FEM1B: variants seen among roughly 807,000 people sequenced by gnomAD.
The protein encoded by FEM1B is protein fem-1 homolog B.
Under a neutral mutation model 38.6 loss-of-function variants are expected in FEM1B, and 10 were observed. The observed-to-expected ratio is 0.26, with a 90% CI of 0.16 to 0.44. The LOEUF is 0.44. Among genes scored for constraint, FEM1B ranks in the 20% least tolerant of loss-of-function variants. FEM1B has a pLI of 1.00. For missense variants in FEM1B, 471 were observed against 786.7 expected (o/e 0.60, Z 4.80); for synonymous variants, 288 against 288.0 (o/e 1.00, Z 0.00).
At position 68,281,299 on chromosome 15, in the gene FEM1B, A is replaced by C. The variant is rs1310957654; in HGVS notation, c.248+2634A>C. Reference sequence around the variant, plus strand: ...TTTTAGTCATTCACGTGCTAGCTTCATAATTTTTGGCCAAATTGTTCACTA... The same window carrying C: ...TTTTAGTCATTCACGTGCTAGCTTCCTAATTTTTGGCCAAATTGTTCACTA... On this transcript the variant is annotated intron_variant, in intron 1 of 1. Coordinates refer to ENST00000306917, the MANE Select transcript of FEM1B (RefSeq NM_015322.5). The surrounding 1 kb of genome is among the most constrained non-coding windows in gnomAD (Gnocchi z 5.1). 6.6e-6 allele frequency among the ~76,000 whole-genome samples: 1 copy of C among 152,228 alleles called. No individual in the cohort carries two copies. The highest frequency in any genetic ancestry group is 2.4e-5 in the African/African-American group (1 of 41,458).
chr15:68,284,820 G>A lies in FEM1B; in HGVS notation c.249-4787G>A, dbSNP rs940264916. ...TGAATCATGGAAGCAGGTCTTTCCC[G>A]TGCTGTTCTCTTGATAGTAAGTGTC... On this transcript the variant is annotated intron_variant, in intron 1 of 1. Transcript: ENST00000306917. The surrounding 1 kb of genome is among the most constrained non-coding windows in gnomAD (Gnocchi z 4.4). Among the ~76,000 whole-genome samples, 5 of 152,164 alleles carry A rather than the reference G, an allele frequency of 3.3e-5. No individual in the cohort carries two copies. Among genetic ancestry groups the A allele is most frequent in the Non-Finnish European group, 7.3e-5 (5 of 68,028 alleles).
In FEM1B at chr15:68,284,164, C is replaced by T. The variant is rs148088686; in HGVS notation, c.249-5443C>T. Among the ~76,000 whole-genome samples the T allele has an allele frequency of 8.0e-3, 1,222 of 152,146 alleles. 12 individuals carry two copies. Among genetic ancestry groups the T allele is most frequent in the African/African-American group, 0.028 (1,145 of 41,526 alleles). Reference sequence around the variant, plus strand: ...CCTCCCAAAGTGTTGGGATTACAGACGTGAGCCACTGTGCCCAGCCCTCAT... The same window carrying T: ...CCTCCCAAAGTGTTGGGATTACAGATGTGAGCCACTGTGCCCAGCCCTCAT... On this transcript the variant is annotated intron_variant, in intron 1 of 1. Coordinates refer to ENST00000306917, the MANE Select transcript of FEM1B (RefSeq NM_015322.5). The surrounding 1 kb of genome is among the most constrained non-coding windows in gnomAD (Gnocchi z 4.4).
chr15:68,283,942 A>G (rs1269307903), intron 1 of FEM1B, among the ~76,000 whole-genome samples: 2 of 150,900 alleles, frequency 1.3e-5, no homozygotes, highest in African/African-American at 2.4e-5. Context: ...CTAAAGTGCA[A>G]TGGCGTGATC....
rs1273111530 is a variant in FEM1B, at chr15:68,290,380, T to C, written c.1022T>C (p.Ile341Thr). The C allele has an allele frequency of 1.2e-6, 2 of 1,614,086 alleles. No homozygotes were observed. The highest frequency in any genetic ancestry group is 1.3e-5 in the African/African-American group (1 of 74,932). Residue 341 changes from isoleucine to threonine, a missense_variant, in exon 2 of 2, where the codon ATT (isoleucine) becomes ACT (threonine). By Grantham distance (89) the Ile-to-Thr change is moderately conservative (BLOSUM62 -1). Around this residue, in one of 3 missense-constraint regions of FEM1B, gnomAD observed 380 missense variants for 599.6 expected, o/e 0.63. Coordinates refer to ENST00000306917, the MANE Select transcript of FEM1B (RefSeq NM_015322.5). The surrounding 1 kb of genome is among the most constrained non-coding windows in gnomAD (Gnocchi z 9.7). ...GAACGGATTTTAGGTGCTGACAATA[T>C]TGATGTTTCTCATCCCATCATTTAC... Reference protein sequence around the residue: ...VRERILGADNIDVSHPIIYRG... With the variant: ...VRERILGADNTDVSHPIIYRG...
chr15:68,285,564 T>C (rs1035573561), intron 1 of FEM1B, among the ~76,000 whole-genome samples: 1 of 152,256 alleles, frequency 6.6e-6, no homozygotes, highest in Non-Finnish European at 1.5e-5. Flanking sequence ...AATTTAGCTA[T>C]TCTGCTGGGT....
rs948267970 is a variant in FEM1B, at chr15:68,294,842, C to T, written c.*3600C>T. ...TAAAAAGGGGTTAAAGAAAACAAAA[C>T]TCTGCCTTTTGTGCTATGAAATATT... On this transcript the variant is annotated 3_prime_UTR_variant, in exon 2 of 2. Transcript: ENST00000306917. The surrounding 1 kb of genome is among the most constrained non-coding windows in gnomAD (Gnocchi z 4.4). 4.6e-5 allele frequency: 7 copies of T among 152,174 alleles called. No homozygotes were observed. The highest frequency in any genetic ancestry group is 8.8e-5 in the Non-Finnish European group (6 of 68,020). 9.4% of individuals were successfully genotyped at this position (152,174 alleles called of 1,614,324 possible). A position where few individuals can be genotyped will look rare whatever the true frequency, so the allele number is the denominator to read the frequency against.
At position 68,293,874 on chromosome 15, in the gene FEM1B, C is replaced by G. The variant is rs539673018; in HGVS notation, c.*2632C>G. ...ATCTCAGCCCTCTGTGAACTCTAGG[C>G]TGTCTCCATTTTGCAGCCACTTTGG... On this transcript the variant is annotated 3_prime_UTR_variant, in exon 2 of 2. Transcript: ENST00000306917. This position sits in a 1 kb window ranked among gnomAD's most constrained non-coding sequence, Gnocchi z 5.8. 6.6e-6 allele frequency: 1 copy of G among 152,162 alleles called. No homozygotes were observed. The highest frequency in any genetic ancestry group is 6.5e-5 in the Admixed American group (1 of 15,278). 9.4% of individuals were successfully genotyped at this position (152,162 alleles called of 1,614,324 possible).
Position 68,278,524 on chromosome 15 carries a change from T to A in FEM1B, c.107T>A (p.Leu36His). ...TCTGAAAGCGACATCCGCTATCTGC[T>A]TGGCTATGTCAGCCAGCAGGGAGGG... ...NRSESDIRYL[L>H]GYVSQQGGQR... The change falls in exon 1 of 2, where the codon CTT becomes CAT. Residue 36 changes from leucine (L) to histidine (H), a missense_variant. Leu to His is a moderately conservative substitution (Grantham distance 99). Around this residue, in one of 3 missense-constraint regions of FEM1B, gnomAD observed 91 missense variants for 169.6 expected, o/e 0.54. Coordinates refer to ENST00000306917, the MANE Select transcript of FEM1B (RefSeq NM_015322.5). This position sits in a 1 kb window ranked among gnomAD's most constrained non-coding sequence, Gnocchi z 5.7. The A allele has an allele frequency of 6.2e-7, 1 of 1,614,106 alleles. No homozygotes were observed. Among genetic ancestry groups the A allele is most frequent in the Non-Finnish European group, 8.5e-7 (1 of 1,180,032 alleles).
At chr15:68,287,118 T>G (rs1892797556) in intron 1 of FEM1B, among the ~76,000 whole-genome samples, 2 of 152,222 alleles carry the variant, frequency 1.3e-5, no homozygotes, top group South Asian at 4.1e-4. Flanking sequence ...CTCGAACTCC[T>G]GACCTCCGGT....
In FEM1B at chr15:68,281,370, A is replaced by T. The variant is rs1892724428; in HGVS notation, c.248+2705A>T. 6.6e-6 allele frequency among the ~76,000 whole-genome samples: 1 copy of T among 152,010 alleles called. No homozygotes were observed. The highest frequency in any genetic ancestry group is 2.1e-4 in the South Asian group (1 of 4,814). ...ATATCTTTTCTTTAAATTGTCTGTT[A>T]TTTGCTTGATAGTTGTCTTCAGAAT... On this transcript the variant is annotated intron_variant, in intron 1 of 1. Coordinates refer to ENST00000306917, the MANE Select transcript of FEM1B (RefSeq NM_015322.5). The surrounding 1 kb of genome is among the most constrained non-coding windows in gnomAD (Gnocchi z 5.1).
rs775928993 is a variant in FEM1B, at chr15:68,290,132, C to G, written c.774C>G (p.Ala258=). Reference sequence around the variant, plus strand: ...TTGAAGCTTTGGAACTCTTGGGTGCCTCCTTTGCAAATGACCGTGAGAACT... The same window carrying G: ...TTGAAGCTTTGGAACTCTTGGGTGCGTCCTTTGCAAATGACCGTGAGAACT... ...SRIEALELLG[A]SFANDRENYD... The change falls in exon 2 of 2, where the codon GCC becomes GCG. Residue 258 remains alanine (A), a synonymous_variant. Coordinates refer to ENST00000306917, the MANE Select transcript of FEM1B (RefSeq NM_015322.5). This position sits in a 1 kb window ranked among gnomAD's most constrained non-coding sequence, Gnocchi z 9.7. The G allele has an allele frequency of 3.1e-6, 5 of 1,614,070 alleles. No homozygotes were observed. In the Admixed American group the frequency reaches 6.7e-5, roughly 22 times the overall value.
rs1295409380 is a variant in FEM1B, at chr15:68,292,677, A to G, written c.*1435A>G. 1 of 151,688 alleles carries G rather than the reference A, an allele frequency of 6.6e-6. No individual in the cohort carries two copies. The highest frequency in any genetic ancestry group is 2.4e-5 in the African/African-American group (1 of 41,252). 9.4% of individuals were successfully genotyped at this position (151,688 alleles called of 1,614,324 possible). Reference sequence around the variant, plus strand: ...TTAATGAAAAGCATTATAATGATGTAGCAGCATCAGATATAAACTTAAAAA... The same window carrying G: ...TTAATGAAAAGCATTATAATGATGTGGCAGCATCAGATATAAACTTAAAAA... On this transcript the variant is annotated 3_prime_UTR_variant, in exon 2 of 2. Coordinates refer to ENST00000306917, the MANE Select transcript of FEM1B (RefSeq NM_015322.5).
In FEM1B at chr15:68,291,249, G is replaced by C; in HGVS notation, c.*7G>C. 6.4e-7 allele frequency: 1 copy of C among 1,567,172 alleles called. No individual in the cohort carries two copies. The highest frequency in any genetic ancestry group is 8.6e-7 in the Non-Finnish European group (1 of 1,159,126). Reference sequence around the variant, plus strand: ...GTTTGTTGGATTTCATTAAGTGACTGGATATGTAAAGTCGTTTAATGTGGT... The same window carrying C: ...GTTTGTTGGATTTCATTAAGTGACTCGATATGTAAAGTCGTTTAATGTGGT... On this transcript the variant is annotated 3_prime_UTR_variant, in exon 2 of 2. Coordinates refer to ENST00000306917, the MANE Select transcript of FEM1B (RefSeq NM_015322.5). The surrounding 1 kb of genome is among the most constrained non-coding windows in gnomAD (Gnocchi z 6.9).
In FEM1B at chr15:68,290,940, G is replaced by A. The variant is rs757432489; in HGVS notation, c.1582G>A (p.Val528Met). The change falls in exon 2 of 2, where the codon GTG becomes ATG. Residue 528 changes from valine (V) to methionine (M), a missense_variant. By Grantham distance (21) the Val-to-Met change is conservative. Coordinates refer to ENST00000306917, the MANE Select transcript of FEM1B (RefSeq NM_015322.5). The surrounding 1 kb of genome is among the most constrained non-coding windows in gnomAD (Gnocchi z 9.7). Reference sequence around the variant, plus strand: ...GGACTGTGGTGCTGAGGTGAATGCCGTGGACAATGAGGGAAACAGTGCCCT... The same window carrying A: ...GGACTGTGGTGCTGAGGTGAATGCCATGGACAATGAGGGAAACAGTGCCCT... ...LLDCGAEVNAVDNEGNSALHI... is the reference protein window; with the variant it reads ...LLDCGAEVNAMDNEGNSALHI... The A allele has an allele frequency of 4.3e-6, 7 of 1,614,038 alleles. No homozygotes were observed. Among genetic ancestry groups the A allele is most frequent in the Admixed American group, 1.7e-5 (1 of 59,996 alleles).
At position 68,278,410 on chromosome 15, in the gene FEM1B, C is replaced by T. The variant is rs1892686928; in HGVS notation, c.-8C>T. 3.1e-6 allele frequency: 5 copies of T among 1,606,738 alleles called. No individual in the cohort carries two copies. The highest frequency in any genetic ancestry group is 1.1e-5 in the South Asian group (1 of 90,476). On this transcript the variant is annotated 5_prime_UTR_variant, in exon 1 of 2. Transcript: ENST00000306917. This position sits in a 1 kb window ranked among gnomAD's most constrained non-coding sequence, Gnocchi z 5.7. ...GCGACCAAACGGGTGTTGGAGTTGG[C>T]GGCGGCCATGGAGGGCCTGGCTGGC...
At position 68,291,085 on chromosome 15, in the gene FEM1B, C is replaced by T. The variant is rs750604592; in HGVS notation, c.1727C>T (p.Pro576Leu). ...TDMTNKQNKT[P>L]LDKSTTGVSE... ...ATGACGAATAAACAGAATAAGACTC[C>T]GCTAGACAAAAGTACAACTGGGGTA... is the stretch of plus-strand genomic sequence containing the variant. Residue 576 changes from proline to leucine, a missense_variant, in exon 2 of 2, where the codon CCG (proline) becomes CTG (leucine). Coordinates refer to ENST00000306917, the MANE Select transcript of FEM1B (RefSeq NM_015322.5). This position sits in a 1 kb window ranked among gnomAD's most constrained non-coding sequence, Gnocchi z 6.9. 5.6e-6 allele frequency: 9 copies of T among 1,614,048 alleles called. No homozygotes were observed. Among genetic ancestry groups the T allele is most frequent in the East Asian group, 2.2e-5 (1 of 44,884 alleles).
In FEM1B at chr15:68,278,702, G is replaced by T; in HGVS notation, c.248+37G>T. The T allele has an allele frequency of 6.2e-7, 1 of 1,609,718 alleles. No individual in the cohort carries two copies. Among genetic ancestry groups the T allele is most frequent in the South Asian group, 1.1e-5 (1 of 91,004 alleles). On this transcript the variant is annotated intron_variant, in intron 1 of 1. Transcript: ENST00000306917. The surrounding 1 kb of genome is among the most constrained non-coding windows in gnomAD (Gnocchi z 5.7). ...CCAAGCCAGCCTCTCTCCGACGCGCGCGGACTCGTTAATTCACGGGCCCTC... is the reference window on the plus strand; with the variant it reads ...CCAAGCCAGCCTCTCTCCGACGCGCTCGGACTCGTTAATTCACGGGCCCTC...
intron 1 of FEM1B, chr15:68,279,915 TGCTTTTCCTTACTG>T (rs570004170): frequency 1.3e-5 from 2 of 152,250 alleles, no homozygotes; most frequent in Non-Finnish European, 2.9e-5. Context: ...GATTCATGTT[TGCTTTTCCTTACTG>T]GCTTTCGTGT....
chr15:68,278,331 G>A lies in FEM1B; in HGVS notation c.-87G>A. ...TGTTGAATGGGCTGTGAGGGCCCAGGTTTAAAGCGCTGGCGAACGCGGCCT... is the reference window on the plus strand; with the variant it reads ...TGTTGAATGGGCTGTGAGGGCCCAGATTTAAAGCGCTGGCGAACGCGGCCT... On this transcript the variant is annotated 5_prime_UTR_variant, in exon 1 of 2. Coordinates refer to ENST00000306917, the MANE Select transcript of FEM1B (RefSeq NM_015322.5). This position sits in a 1 kb window ranked among gnomAD's most constrained non-coding sequence, Gnocchi z 5.7. 1 of 1,504,872 alleles carries A rather than the reference G, an allele frequency of 6.6e-7. No individual in the cohort carries two copies. Among genetic ancestry groups the A allele is most frequent in the Non-Finnish European group, 8.9e-7 (1 of 1,122,698 alleles). 93.2% of individuals were successfully genotyped at this position (1,504,872 alleles called of 1,614,324 possible).
Sources: allele counts gnomAD v4.1 joint callset (sites outside exome capture counted in the v4.1 genomes callset), GRCh38; gene constraint gnomAD v4.1.1; regional missense constraint gnomAD v4.1.1; non-coding constraint Gnocchi (gnomAD v3.1); transcripts MANE v1.5; gene names NCBI Gene and HGNC (gene_info 2026-07-23, HGNC 2026-07-21).